MCC: variants seen among roughly 807,000 people sequenced by gnomAD.
MCC encodes the protein MCC regulator of Wnt signaling pathway, also known as colorectal mutant cancer protein.
In MCC, 90 loss-of-function variants were observed where a neutral mutation model predicts 116.2. The observed-to-expected ratio is 0.77, with a 90% CI of 0.65 to 0.92. The LOEUF is 0.92. Ranked by LOEUF, MCC falls within the 40% of genes least tolerant of loss-of-function variation. MCC has a pLI of 0.00. For missense variants in MCC, 1,516 were observed against 1,312.2 expected (o/e 1.16, Z -2.40); for synonymous variants, 578 against 510.5 (o/e 1.13, Z -1.78).
chr5:113,327,561 A>ATATATATATATATATGT (rs1554076392), intron 3 of MCC, among the ~76,000 whole-genome samples: 2 of 80,570 alleles, frequency 2.5e-5, no homozygotes, highest in African/African-American at 9.9e-5. Flanking sequence ...AAAAAAAAAA[A>ATATATATATATATATGT]ATATATATAT....
chr5:113,466,504 G>T (rs1373791341), intron 1 of MCC, among the ~76,000 whole-genome samples: 1 of 151,956 alleles, frequency 6.6e-6, no homozygotes, highest in Non-Finnish European at 1.5e-5. Flanking sequence ...CCCTACAAAG[G>T]ACACAAACTC....
chr5:113,070,222 G>A (rs897446719), intron 12 of MCC, among the ~76,000 whole-genome samples: 3 of 152,096 alleles, frequency 2.0e-5, no homozygotes, highest in Admixed American at 1.3e-4. Flanking sequence ...AAACAATACC[G>A]AACTTTTTAG....
chr5:113,145,313 G>A (rs1346399345), intron 4 of MCC, among the ~76,000 whole-genome samples: 1 of 152,132 alleles, frequency 6.6e-6, no homozygotes, highest in African/African-American at 2.4e-5. Context: ...TTCTGTCTCT[G>A]ACCTGGATCT....
Position 113,101,753 on chromosome 5 carries a change from G to A in MCC, c.1384C>T (p.Arg462Trp), listed in dbSNP as rs1756425460. ...AGCATGCTCACCCTCCTCCGGAGCCGGTCCCGCTCTTCCCGGATGGCATTC... is the reference window on the plus strand; with the variant it reads ...AGCATGCTCACCCTCCTCCGGAGCCAGTCCCGCTCTTCCCGGATGGCATTC... ...TMNAIREERD[R>W]LRRRVRELQT... The change falls in exon 8 of 19, where the codon CGG becomes TGG. Residue 462 changes from arginine to tryptophan, a missense_variant. Coordinates refer to ENST00000408903, the MANE Select transcript of MCC (RefSeq NM_001085377.2). The A allele has an allele frequency of 4.3e-6, 7 of 1,613,016 alleles. No homozygotes were observed. Among genetic ancestry groups the A allele is most frequent in the South Asian group, 2.2e-5 (2 of 91,074 alleles).
rs767831289 is a variant in MCC at position 113,101,779 on chromosome 5, A to G, written c.1358T>C (p.Met453Thr). 1.2e-6 allele frequency: 2 copies of G among 1,613,502 alleles called. No homozygotes were observed. The highest frequency in any genetic ancestry group is 1.1e-5 in the South Asian group (1 of 91,066). ...EEELNRTKATMNAIREERDRL... is the reference protein window; with the variant it reads ...EEELNRTKATTNAIREERDRL... ...GTCCCGCTCTTCCCGGATGGCATTCATGGTGGCCTTAGTCCGGTTCAGTTC... is the reference window on the plus strand; with the variant it reads ...GTCCCGCTCTTCCCGGATGGCATTCGTGGTGGCCTTAGTCCGGTTCAGTTC... The change falls in exon 8 of 19, where the codon ATG becomes ACG. Residue 453 changes from methionine (M) to threonine (T), a missense_variant. Physicochemically the swap from Met to Thr is moderately conservative, Grantham distance 81 (BLOSUM62 -1). Coordinates refer to ENST00000408903, the MANE Select transcript of MCC (RefSeq NM_001085377.2).
chr5:113,030,814 A>C (rs1750903036), intron 17 of MCC, among the ~76,000 whole-genome samples: 1 of 152,258 alleles, frequency 6.6e-6, no homozygotes, highest in African/African-American at 2.4e-5. Context: ...CTGTAATAAG[A>C]CTAGAAGGTG....
intron 11 of MCC, among the ~76,000 whole-genome samples, chr5:113,073,707 A>G (rs1485770340): frequency 6.7e-6 from 1 of 149,294 alleles, no homozygotes; most frequent in East Asian, 2.0e-4. Flanking sequence ...TCCCATCTTC[A>G]GATGCCTGCC....
chr5:113,259,529 A>G (rs1765143351), intron 3 of MCC, among the ~76,000 whole-genome samples: 1 of 152,210 alleles, frequency 6.6e-6, no homozygotes. Flanking sequence ...AATTAATTGG[A>G]AAGTATTTTG....
At position 113,199,940 on chromosome 5, in the gene MCC, G is replaced by C. The variant is rs183726881; in HGVS notation, c.628-48518C>G. On this transcript the variant is annotated intron_variant, in intron 3 of 18. Coordinates refer to ENST00000408903, the MANE Select transcript of MCC (RefSeq NM_001085377.2). ...AGGCTATTGATTTTGAAAGATAAAA[G>C]TGGCCAAGCAACACATATGGGTATC... Among the ~76,000 whole-genome samples the C allele has an allele frequency of 1.7e-3, 255 of 152,312 alleles. 1 individual carries two copies. Among genetic ancestry groups the C allele is most frequent in the African/African-American group, 5.8e-3 (242 of 41,554 alleles).
intron 3 of MCC, among the ~76,000 whole-genome samples, chr5:113,232,772 A>T (rs1055278188): frequency 2.6e-5 from 4 of 152,124 alleles, no homozygotes; most frequent in African/African-American, 9.7e-5. Context: ...CTTTAGAAAA[A>T]CCCAGACTCT....
intron 11 of MCC, among the ~76,000 whole-genome samples, chr5:113,081,438 A>G (rs745763230): frequency 5.9e-5 from 9 of 152,198 alleles, no homozygotes; most frequent in Non-Finnish European, 1.0e-4. Context: ...TAATAACATC[A>G]GCTACCAGCA....
chr5:113,156,681 T>G, intron 3 of MCC, among the ~76,000 whole-genome samples: 1 of 152,286 alleles, frequency 6.6e-6, no homozygotes, highest in South Asian at 2.1e-4. Flanking sequence ...TATACAAATC[T>G]GGATCTAGTG....
chr5:113,210,245 C>A (rs1051619345), intron 3 of MCC, among the ~76,000 whole-genome samples: 2 of 152,106 alleles, frequency 1.3e-5, no homozygotes, highest in Non-Finnish European at 2.9e-5. Context: ...AATTACAGGG[C>A]CTCTAAATAT....
intron 3 of MCC, among the ~76,000 whole-genome samples, chr5:113,164,493 A>G (rs4705547): frequency 0.55 from 83,001 of 152,086 alleles, 24,895 homozygotes; most frequent in Non-Finnish European, 0.66. Context: ...TAGGATGTCA[A>G]TGTTCCTTTT....
intron 14 of MCC, among the ~76,000 whole-genome samples, chr5:113,056,973 T>C (rs1752876098): frequency 6.6e-6 from 1 of 151,450 alleles, no homozygotes; most frequent in South Asian, 2.1e-4. Context: ...GGGCATGAGG[T>C]TATTATTTGT....
At chr5:113,092,025 G>GA (rs1228230807) in intron 8 of MCC, among the ~76,000 whole-genome samples, 1 of 152,180 alleles carries the variant, frequency 6.6e-6, no homozygotes, top group African/African-American at 2.4e-5. Flanking sequence ...AACAGGGACT[G>GA]ACACAGTCTC....
chr5:113,061,533 A>G (rs1028598343), intron 14 of MCC, among the ~76,000 whole-genome samples: 4 of 152,200 alleles, frequency 2.6e-5, no homozygotes, highest in Admixed American at 1.3e-4. Flanking sequence ...GGCCATGGCT[A>G]TATTTTTCAA....
Position 113,356,932 on chromosome 5 carries a change from C to A in MCC, c.416-16202G>T, listed in dbSNP as rs555129211. On this transcript the variant is annotated intron_variant, in intron 2 of 18. Coordinates refer to ENST00000408903, the MANE Select transcript of MCC (RefSeq NM_001085377.2). ...ACCAATAGCCTATGAATTGCCACAA[C>A]ATTTTTCCCATTTTTAGAAGAGGAC... Among the ~76,000 whole-genome samples, 81 of 152,312 alleles carry A rather than the reference C, an allele frequency of 5.3e-4. 2 individuals are homozygous for A. The highest frequency in any genetic ancestry group is 1.7e-3 in the African/African-American group (72 of 41,586).
intron 5 of MCC, among the ~76,000 whole-genome samples, chr5:113,133,598 T>C (rs1356975841): frequency 6.6e-6 from 1 of 152,180 alleles, no homozygotes; most frequent in African/African-American, 2.4e-5. Flanking sequence ...AGAATGCAGG[T>C]ATCTCTTCAA....
Sources: allele counts gnomAD v4.1 joint callset (sites outside exome capture counted in the v4.1 genomes callset), GRCh38; gene constraint gnomAD v4.1.1; transcripts MANE v1.5; gene names NCBI Gene and HGNC (gene_info 2026-07-23, HGNC 2026-07-21).